Variants in DMD observed in about 807,000 individuals in gnomAD.
DMD encodes the protein dystrophin, also known as mutant dystrophin.
A neutral mutation model predicts 330.1 loss-of-function variants in DMD; 63 were observed. That is an observed-to-expected ratio of 0.19 (90% CI 0.16 to 0.24). The LOEUF (loss-of-function observed/expected upper bound fraction) is 0.24, where lower values mean the gene tolerates loss of function less well. Ranked by LOEUF, DMD falls within the 10% of genes least tolerant of loss-of-function variation. DMD has a pLI of 1.00. For missense variants in DMD, 3,344 were observed against 2,684.1 expected, an observed-to-expected ratio of 1.25 and a Z score of -5.43; for synonymous variants, 1,223 against 959.8, an observed-to-expected ratio of 1.27 and a Z score of -5.07.
intron 1 of DMD, among the ~76,000 whole-genome samples, chrX:33,142,516 C>A (rs1312418303): frequency 8.9e-6 from 1 of 112,244 alleles, no homozygotes; most frequent in African/African-American, 3.2e-5. Context: ...TGAAACATAC[C>A]AAAGGAAAGG....
At chrX:32,732,526 C>G (rs2067835272) in intron 7 of DMD, among the ~76,000 whole-genome samples, 1 of 111,206 alleles carries the variant, frequency 9.0e-6, no homozygotes, top group Admixed American at 9.6e-5. Context: ...GGTCGGGTTA[C>G]CCTCAAAGGG....
intron 47 of DMD, among the ~76,000 whole-genome samples, chrX:31,877,770 C>T (rs1171574249): frequency 9.0e-6 from 1 of 111,013 alleles, no homozygotes; most frequent in Non-Finnish European, 1.9e-5. Context: ...AATACATGAT[C>T]TAATGATGTC....
chrX:32,785,401 G>T (rs2075262992), intron 7 of DMD, among the ~76,000 whole-genome samples: 1 of 111,163 alleles, frequency 9.0e-6, no homozygotes, highest in Admixed American at 9.6e-5. Context: ...ATTATTCAAT[G>T]CCTCTTGATC....
intron 1 of DMD, among the ~76,000 whole-genome samples, chrX:33,117,436 T>G (rs995558600): frequency 8.9e-6 from 1 of 111,838 alleles, no homozygotes; most frequent in Non-Finnish European, 1.9e-5. Flanking sequence ...GATAATCATT[T>G]CAGAATGTAT....
At chrX:33,009,342 G>GTATGTGTGTATATGTGTA (rs2093540232) in intron 2 of DMD, among the ~76,000 whole-genome samples, 1 of 48,505 alleles carries the variant, frequency 2.1e-5, no homozygotes, top group Admixed American at 2.2e-4. Flanking sequence ...ATATACACGT[G>GTATGTGTGTATATGTGTA]TATATACACA....
chrX:33,197,497 C>A (rs1390332191), intron 1 of DMD, among the ~76,000 whole-genome samples: 4 of 111,199 alleles, frequency 3.6e-5, no homozygotes, highest in Non-Finnish European at 7.6e-5. Context: ...TCAAGTGTAG[C>A]TTTGTGTAAC....
chrX:32,516,043 A>T (rs1334050308), intron 18 of DMD, among the ~76,000 whole-genome samples: 1 of 111,082 alleles, frequency 9.0e-6, no homozygotes, highest in Non-Finnish European at 1.9e-5. Flanking sequence ...GAGTAAATGA[A>T]GAAATCAAGT....
chrX:33,122,326 C>T (rs1377585950), intron 1 of DMD, among the ~76,000 whole-genome samples: 1 of 112,665 alleles, frequency 8.9e-6, no homozygotes, highest in Non-Finnish European at 1.9e-5. Flanking sequence ...TGCACACACT[C>T]AATGTATATA....
At chrX:32,322,721 T>C (rs2097624817) in intron 41 of DMD, among the ~76,000 whole-genome samples, 1 of 111,569 alleles carries the variant, frequency 9.0e-6, no homozygotes, top group Non-Finnish European at 1.9e-5. Flanking sequence ...AAATAAATGA[T>C]ACTTGGACTA....
intron 46 of DMD, among the ~76,000 whole-genome samples, chrX:31,930,067 T>C (rs1390547058): frequency 9.0e-6 from 1 of 111,464 alleles, no homozygotes; most frequent in East Asian, 2.9e-4. Flanking sequence ...AATAGAACAA[T>C]GTGAACAAAT....
In DMD at chrX:31,172,116, T is replaced by G. The variant is rs181301231; in HGVS notation, c.10394+232A>C. ...TCATATGGTATGAAATAAGTTCAAA[T>G]AAGAGTAAGGCAAACTATTTTTGCT... On this transcript the variant is annotated intron_variant, in intron 73 of 78. Coordinates refer to ENST00000357033, the MANE Select transcript of DMD (RefSeq NM_004006.3). Among the ~76,000 whole-genome samples, 541 of 111,958 alleles carry G rather than the reference T, an allele frequency of 4.8e-3. 1 individual carries two copies. Among genetic ancestry groups the G allele is most frequent in the African/African-American group, 0.016 (488 of 30,926 alleles).
chrX:32,551,071 G>C (rs1190212326), intron 16 of DMD, among the ~76,000 whole-genome samples: 1 of 110,928 alleles, frequency 9.0e-6, no homozygotes, highest in African/African-American at 3.3e-5. Context: ...AGGAAAAGCT[G>C]GTATCATTCC....
chrX:32,267,839 G>T (rs754382824), intron 43 of DMD, among the ~76,000 whole-genome samples: 1 of 111,815 alleles, frequency 8.9e-6, no homozygotes, highest in South Asian at 3.7e-4. Flanking sequence ...TTCTAATTTT[G>T]TCACTAACTG....
intron 9 of DMD, among the ~76,000 whole-genome samples, chrX:32,693,740 C>T (rs949661372): frequency 2.7e-5 from 3 of 111,815 alleles, no homozygotes; most frequent in Admixed American, 9.5e-5. Flanking sequence ...ACACCCAGCT[C>T]GCGGTGTAGT....
At chrX:31,810,967 T>C (rs1482836759) in intron 50 of DMD, among the ~76,000 whole-genome samples, 2 of 111,865 alleles carry the variant, frequency 1.8e-5, no homozygotes, top group Non-Finnish European at 3.8e-5. Flanking sequence ...AATTAACATT[T>C]TATTTCTGTT....
chrX:32,863,601 G>A (rs1334946966), intron 2 of DMD, among the ~76,000 whole-genome samples: 1 of 102,560 alleles, frequency 9.8e-6, no homozygotes, highest in Non-Finnish European at 1.9e-5. Flanking sequence ...ATGACATAAT[G>A]GAATGGCTCA....
intron 67 of DMD, among the ~76,000 whole-genome samples, chrX:31,197,394 A>G (rs1274462839): frequency 6.2e-5 from 7 of 112,220 alleles, no homozygotes; most frequent in African/African-American, 2.3e-4. Flanking sequence ...ACAATAATAC[A>G]TTGTATATTT....
chrX:31,792,762 A>G (rs2149318152), intron 50 of DMD, among the ~76,000 whole-genome samples: 1 of 110,726 alleles, frequency 9.0e-6, no homozygotes, highest in African/African-American at 3.3e-5. Context: ...GGCGTCTGCG[A>G]CCCCTGAAGC....
intron 9 of DMD, among the ~76,000 whole-genome samples, chrX:32,690,421 C>A (rs1369420225): frequency 1.8e-5 from 2 of 111,252 alleles, no homozygotes; most frequent in Admixed American, 9.6e-5. Context: ...TCATTACATT[C>A]AAAGAAATCT....
Sources: gnomAD v4.1 joint callset for allele counts (sites outside exome capture counted in the v4.1 genomes callset) on GRCh38, gnomAD v4.1.1 for gene constraint, MANE v1.5 for transcripts, NCBI Gene and HGNC (gene_info 2026-07-23, HGNC 2026-07-21) for gene names.